The following SPATA13 variants were observed in gnomAD, a reference collection of about 807,000 sequenced individuals.
SPATA13 encodes spermatogenesis-associated protein 13.
A neutral mutation model predicts 104.0 loss-of-function variants in SPATA13; 50 were observed. That is an observed-to-expected ratio of 0.48 (90% CI 0.38 to 0.61). The LOEUF (loss-of-function observed/expected upper bound fraction) is 0.61. SPATA13 is among the 20% of genes least tolerant of loss of function. The probability of loss-of-function intolerance (pLI) is 0.00; values close to 1 mark genes in which losing one functional copy is unlikely to be tolerated. For missense variants in SPATA13, 1,524 were observed against 1,690.6 expected, an observed-to-expected ratio of 0.90 and a Z score of 1.73; for synonymous variants, 606 against 667.5, an observed-to-expected ratio of 0.91 and a Z score of 1.42.
intron 2 of SPATA13, among the ~76,000 whole-genome samples, chr13:23,987,001 C>CTGTG (rs113990315): frequency 0.12 from 17,322 of 141,296 alleles, 1,100 homozygotes; most frequent in African/African-American, 0.15. Context: ...ATGGATATAT[C>CTGTG]TGTGTGTGTG....
Position 24,160,754 on chromosome 13 carries a change from G to A in SPATA13, c.-290G>A, listed in dbSNP as rs561771608. 1.6e-5 allele frequency: 16 copies of A among 985,486 alleles called. No homozygotes were observed. In the East Asian group the frequency reaches 1.5e-3, roughly 91 times the overall value. 61.0% of individuals were successfully genotyped at this position (985,486 alleles called of 1,614,324 possible). A position where few individuals can be genotyped will look rare whatever the true frequency, so the allele number is the denominator to read the frequency against. On this transcript the variant is annotated 5_prime_UTR_variant, in exon 1 of 13. Coordinates refer to ENST00000382108, the MANE Select transcript of SPATA13 (RefSeq NM_001166271.3). ...GCCGCGGCGCGGGAGGAGAGTGTGC[G>A]TTGCGCTTTCTCCCGCGATCGCCCT...
At chr13:24,108,664 G>GGCA (rs1566105991) in intron 3 of SPATA13, among the ~76,000 whole-genome samples, 6 of 145,442 alleles carry the variant, frequency 4.1e-5, no homozygotes, top group South Asian at 2.2e-4. Context: ...CATGGTAGGG[G>GGCA]GGGGGAAGCC....
chr13:24,001,834 G>A (rs1256009803), intron 2 of SPATA13, among the ~76,000 whole-genome samples: 2 of 152,058 alleles, frequency 1.3e-5, no homozygotes, highest in Non-Finnish European at 1.5e-5. Context: ...GGTGATCTGT[G>A]GGGAGAGGCT....
At chr13:24,117,922 T>A (rs1880905034) in intron 3 of SPATA13, among the ~76,000 whole-genome samples, 1 of 152,218 alleles carries the variant, frequency 6.6e-6, no homozygotes, top group Non-Finnish European at 1.5e-5. Flanking sequence ...AAACCACACA[T>A]CATCAAACTC....
intron 3 of SPATA13, among the ~76,000 whole-genome samples, chr13:24,084,435 G>A (rs1419516203): frequency 3.3e-5 from 5 of 152,194 alleles, no homozygotes; most frequent in East Asian, 1.9e-4. Flanking sequence ...TGTTCTGGAC[G>A]TGCGAGGTAC....
chr13:24,008,000 G>C (rs1392494728), intron 2 of SPATA13, among the ~76,000 whole-genome samples: 2 of 152,130 alleles, frequency 1.3e-5, no homozygotes, highest in Non-Finnish European at 2.9e-5. Context: ...CGGCCCAAAG[G>C]CTGCTCTGCA....
Position 24,286,302 on chromosome 13 carries a change from A to T in SPATA13, c.2390A>T (p.Asp797Val). 1 of 1,613,902 alleles carries T rather than the reference A, an allele frequency of 6.2e-7. No homozygotes were observed. Among genetic ancestry groups the T allele is most frequent in the Non-Finnish European group, 8.5e-7 (1 of 1,180,038 alleles). Residue 797 changes from aspartate to valine, a missense_variant, in exon 6 of 13, where the codon GAT (aspartate) becomes GTT (valine). By Grantham distance (152) the Asp-to-Val change is radical (BLOSUM62 -3). Around this residue, in one of 2 missense-constraint regions of SPATA13, gnomAD observed 1,089 missense variants for 1,135.9 expected, o/e 0.96. Coordinates refer to ENST00000382108, the MANE Select transcript of SPATA13 (RefSeq NM_001166271.3). This position sits in a 1 kb window ranked among gnomAD's most constrained non-coding sequence, Gnocchi z 4.9. ...DDQELGFKAGDVIQVLEASNK... is the reference protein window; with the variant it reads ...DDQELGFKAGVVIQVLEASNK... ...CAGGAACTGGGCTTCAAAGCCGGGG[A>T]TGTCATCCAGGTTCTGGAAGCCTCC...
chr13:24,243,299 A>G (rs574570956), intron 2 of SPATA13, among the ~76,000 whole-genome samples: 1 of 152,300 alleles, frequency 6.6e-6, no homozygotes, highest in Admixed American at 6.5e-5. Flanking sequence ...TCTTTTATGC[A>G]TGTGAACATA....
At chr13:24,279,420 T>C (rs1875319878) in intron 4 of SPATA13, among the ~76,000 whole-genome samples, 1 of 152,052 alleles carries the variant, frequency 6.6e-6, no homozygotes, top group Non-Finnish European at 1.5e-5. Context: ...AGTCTAGGAA[T>C]GGTTTGGCAG....
chr13:24,118,770 T>G (rs1425670663), intron 3 of SPATA13, among the ~76,000 whole-genome samples: 1 of 152,156 alleles, frequency 6.6e-6, no homozygotes, highest in Non-Finnish European at 1.5e-5. Context: ...TAGCACATAA[T>G]CACCTCTCAA....
chr13:24,076,375 A>G (rs931337833), intron 3 of SPATA13, among the ~76,000 whole-genome samples: 1 of 152,186 alleles, frequency 6.6e-6, no homozygotes, highest in Admixed American at 6.6e-5. Flanking sequence ...AAATAAATCA[A>G]TGGGAAAGCA....
At chr13:24,243,889 C>T (rs1164262451) in intron 2 of SPATA13, among the ~76,000 whole-genome samples, 2 of 152,180 alleles carry the variant, frequency 1.3e-5, no homozygotes, top group Admixed American at 6.5e-5. Flanking sequence ...AGTCCCTATG[C>T]TTTAATTTTC....
At chr13:23,991,559 C>T (rs752369217) in intron 2 of SPATA13, among the ~76,000 whole-genome samples, 3 of 152,246 alleles carry the variant, frequency 2.0e-5, no homozygotes, top group Non-Finnish European at 2.9e-5. Context: ...TAGCGAGCCC[C>T]GGCCCGCAGT....
chr13:24,271,059 ACTCT>A (rs941130113), intron 4 of SPATA13: 1 of 575,374 alleles, frequency 1.7e-6, no homozygotes, highest in Non-Finnish European at 3.2e-6. Flanking sequence ...TCTCTCTCTC[ACTCT>A]CTCTCTTTCT....
At chr13:24,169,640 G>T (rs1337341970) in intron 1 of SPATA13, among the ~76,000 whole-genome samples, 1 of 152,206 alleles carries the variant, frequency 6.6e-6, no homozygotes, top group East Asian at 1.9e-4. Context: ...GTCTGGCACA[G>T]GTGCCCAGTG....
In SPATA13 at chr13:24,186,686, G is replaced by A. The variant is rs74757252; in HGVS notation, c.-112+25754G>A. ...CCAAAGCAAAGCATAACATTGTTAC[G>A]GGAACATTAATTTTCTGCACAGAAA... On this transcript the variant is annotated intron_variant, in intron 1 of 12. Coordinates refer to ENST00000382108, the MANE Select transcript of SPATA13 (RefSeq NM_001166271.3). 1.6e-3 allele frequency among the ~76,000 whole-genome samples: 241 copies of A among 152,228 alleles called. No homozygotes were observed. In the East Asian group the frequency reaches 0.019, roughly 12 times the overall value.
At chr13:24,111,285 C>T (rs1880629484) in intron 3 of SPATA13, among the ~76,000 whole-genome samples, 1 of 152,016 alleles carries the variant, frequency 6.6e-6, no homozygotes, top group Non-Finnish European at 1.5e-5. Context: ...TATCTTCCAT[C>T]CTCTCCATCT....
chr13:24,271,524 A>G (rs1356549054), intron 4 of SPATA13, among the ~76,000 whole-genome samples: 2 of 152,086 alleles, frequency 1.3e-5, no homozygotes, highest in African/African-American at 2.4e-5. Context: ...AGTATTGTCT[A>G]TTTGTCTATT....
chr13:24,014,654 G>A (rs372371474), intron 2 of SPATA13, among the ~76,000 whole-genome samples: 1 of 152,150 alleles, frequency 6.6e-6, no homozygotes, highest in African/African-American at 2.4e-5. Context: ...ACAAAATAGT[G>A]TATGTCTTCT....
Sources: allele counts gnomAD v4.1 joint callset (sites outside exome capture counted in the v4.1 genomes callset), GRCh38; gene constraint gnomAD v4.1.1; regional missense constraint gnomAD v4.1.1; non-coding constraint Gnocchi (gnomAD v3.1); transcripts MANE v1.5; gene names NCBI Gene and HGNC (gene_info 2026-07-23, HGNC 2026-07-21).